The following GPR75 variants were observed in gnomAD, a reference collection of about 807,000 sequenced individuals.
GPR75 encodes G protein-coupled receptor 75.
Under a neutral mutation model 26.0 loss-of-function variants are expected in GPR75, and 27 were observed. The observed-to-expected ratio is 1.04, with a 90% confidence interval of 0.77 to 1.43. The LOEUF (loss-of-function observed/expected upper bound fraction) is 1.43. GPR75 is among the 40% of genes most tolerant of loss of function. The probability of loss-of-function intolerance (pLI) is 0.00; values close to 1 mark genes in which losing one functional copy is unlikely to be tolerated. For synonymous variants in GPR75, 285 were observed against 256.3 expected (o/e 1.11, Z -1.07); for missense variants, 699 against 662.3 (o/e 1.06, Z -0.61).
chr2:53,856,241 C>T (rs1378459072), intron 1 of GPR75, among the ~76,000 whole-genome samples: 2 of 152,112 alleles, frequency 1.3e-5, no homozygotes, highest in Admixed American at 6.6e-5. Context: ...TGCACTCACA[C>T]AAATCTACAT....
chr2:53,856,365 A>C (rs1444535439), intron 1 of GPR75, among the ~76,000 whole-genome samples: 2 of 152,204 alleles, frequency 1.3e-5, no homozygotes, highest in African/African-American at 4.8e-5. Flanking sequence ...CTTGACAACC[A>C]AAAAGGGTTT....
rs779300657 is a variant in GPR75, at chr2:53,853,365, A to T, written c.1392T>A (p.His464Gln). 1.5e-5 allele frequency: 25 copies of T among 1,613,970 alleles called. No homozygotes were observed. The Admixed American group carries it at 1.8e-4, about 12-fold the overall frequency. The change falls in exon 2 of 2, where the codon CAT becomes CAA. Residue 464 changes from histidine to glutamine, a missense_variant. Transcript: ENST00000394705. ...TCGAGCTGCTCTGACCACAGTGTTG[A>T]TGTCCAGCAGAGATCTTGGGACTCA... The part of the protein sequence containing the change: ...SMVSPKISAG[H>Q]QHCGQSSSTP...
Position 53,852,989 on chromosome 2 carries a change from C to A in GPR75, c.*145G>T, listed in dbSNP as rs1419489955. On this transcript the variant is annotated 3_prime_UTR_variant, in exon 2 of 2. Coordinates refer to ENST00000394705, the MANE Select transcript of GPR75 (RefSeq NM_006794.4). ...TACAAAGCAAATCAACAGATACTGA[C>A]ACATCAGATGAAAGAAAACCATAAC... 3 of 606,698 alleles carry A rather than the reference C, an allele frequency of 4.9e-6. No homozygotes were observed. The highest frequency in any genetic ancestry group is 1.8e-5 in the African/African-American group (1 of 54,128). 37.6% of individuals were successfully genotyped at this position (606,698 alleles called of 1,614,324 possible).
intron 1 of GPR75, 139 bp downstream of exon 1, chr2:53,859,689 T>G (rs1678326475): frequency 1.6e-6 from 1 of 626,518 alleles, no homozygotes; most frequent in African/African-American, 2.0e-5. Context: ...AAGGCTACCC[T>G]GCAGGCCGCA....
chr2:53,854,558 A>C lies in GPR75; in HGVS notation c.199T>G (p.Phe67Val). ...AATTTCCTGAAGGCTGGATCGAAGA[A>C]GGACAAGAAGACAATGAAGTTGCCA... ...SYGNFIVFLS[F>V]FDPAFRKFRT... The change falls in exon 2 of 2, where the codon TTC becomes GTC. Residue 67 changes from phenylalanine to valine, a missense_variant. By Grantham distance (50) the Phe-to-Val change is conservative (BLOSUM62 -1). Transcript: ENST00000394705. 1.2e-6 allele frequency: 2 copies of C among 1,614,116 alleles called. No homozygotes were observed. Among genetic ancestry groups the C allele is most frequent in the Non-Finnish European group, 1.7e-6 (2 of 1,179,982 alleles).
In GPR75 at chr2:53,853,741, A is replaced by T; in HGVS notation, c.1016T>A (p.Ile339Asn). 3.7e-6 allele frequency: 6 copies of T among 1,614,184 alleles called. No homozygotes were observed. The highest frequency in any genetic ancestry group is 5.1e-6 in the Non-Finnish European group (6 of 1,179,992). The change falls in exon 2 of 2, where the codon ATT becomes AAT. Residue 339 changes from isoleucine to asparagine, a missense_variant. Transcript: ENST00000394705. Reference sequence around the variant, plus strand: ...GGAGAGAACCACCTGTACCAAGGAAATCCCCAGTGGAAGACAGCACACCAG... The same window carrying T: ...GGAGAGAACCACCTGTACCAAGGAATTCCCCAGTGGAAGACAGCACACCAG... Reference protein sequence around the residue: ...SVLVCCLPLGISLVQVVLSSN... With the variant: ...SVLVCCLPLGNSLVQVVLSSN...
chr2:53,853,469 CAG>C lies in GPR75; in HGVS notation c.1286_1287del (p.Ser429CysfsTer51). The C allele has an allele frequency of 6.2e-7, 1 of 1,614,040 alleles. No homozygotes were observed. Among genetic ancestry groups the C allele is most frequent in the Admixed American group, 1.7e-5 (1 of 60,014 alleles). ...RNKSSHHETN[S>X]AYMLSPKPQK... The stretch of plus-strand genomic sequence containing the variant: ...TGTGGCTTTGGAGATAACATGTAGG[CAG>C]AGTTTGTTTCATGATGGGAGGATTT... On this transcript the variant is annotated frameshift_variant, in exon 2 of 2. Coordinates refer to ENST00000394705, the MANE Select transcript of GPR75 (RefSeq NM_006794.4). LOFTEE classifies it high-confidence loss of function.
rs961970843 is a variant in GPR75, at chr2:53,854,709, G to A, written c.48C>T (p.Leu16=). The A allele has an allele frequency of 6.2e-7, 1 of 1,614,064 alleles. No individual in the cohort carries two copies. The change falls in exon 2 of 2, where the codon CTC becomes CTT. Residue 16 remains leucine (L), a synonymous_variant. Transcript: ENST00000394705. ...HLQDAPNATS[L]HVPHSQEGNS... ...TTCCTTCCTGTGAGTGAGGCACATG[G>A]AGCGAGGTGGCATTGGGGGCATCCT...
chr2:53,859,769 C>T, intron 1 of GPR75, 59 bp downstream of exon 1: 3 of 1,361,276 alleles, frequency 2.2e-6, no homozygotes, highest in Non-Finnish European at 3.0e-6. Flanking sequence ...CCGCCAGCCT[C>T]CGGGAGCCGT....
chr2:53,854,316 C>A lies in GPR75; in HGVS notation c.441G>T (p.Val147=). ...CCGTGCGATTAGGCTGTTTCCCCAACACCATCCGGAGCCGGTGCAGGGCGA... is the reference window on the plus strand; with the variant it reads ...CCGTGCGATTAGGCTGTTTCCCCAAAACCATCCGGAGCCGGTGCAGGGCGA... The part of the protein sequence containing the change: ...AVIALHRLRM[V]LGKQPNRTAS... The change falls in exon 2 of 2, where the codon GTG becomes GTT. Residue 147 remains valine, a synonymous_variant. Coordinates refer to ENST00000394705, the MANE Select transcript of GPR75 (RefSeq NM_006794.4). 6.2e-7 allele frequency: 1 copy of A among 1,614,062 alleles called. No homozygotes were observed. The highest frequency in any genetic ancestry group is 1.3e-5 in the African/African-American group (1 of 74,986).
chr2:53,852,976 C>A lies in GPR75; in HGVS notation c.*158G>T. The A allele has an allele frequency of 1.7e-6, 1 of 580,962 alleles. No individual in the cohort carries two copies. The highest frequency in any genetic ancestry group is 3.0e-6 in the Non-Finnish European group (1 of 331,318). The allele number at this position is 580,962 out of a possible 1,614,324, so 36.0% of individuals were successfully genotyped here. ...GATGTCAACAAACTACAAAGCAAAT[C>A]AACAGATACTGACACATCAGATGAA... On this transcript the variant is annotated 3_prime_UTR_variant, in exon 2 of 2. Coordinates refer to ENST00000394705, the MANE Select transcript of GPR75 (RefSeq NM_006794.4).
Position 53,854,274 on chromosome 2 carries a change from G to T in GPR75, c.483C>A (p.Thr161=). Residue 161 remains threonine (T), a synonymous_variant, in exon 2 of 2, where the codon ACC becomes ACA. Coordinates refer to ENST00000394705, the MANE Select transcript of GPR75 (RefSeq NM_006794.4). The part of the protein sequence containing the change: ...QPNRTASFPC[T]VLLTLLLWAT... ...CCCAGAGAAGCAGGGTGAGGAGTAC[G>T]GTGCAGGGAAAGGAGGCCGTGCGAT... The T allele has an allele frequency of 6.2e-7, 1 of 1,614,098 alleles. No individual in the cohort carries two copies. The highest frequency in any genetic ancestry group is 1.1e-5 in the South Asian group (1 of 91,068).
chr2:53,853,686 A>T lies in GPR75; in HGVS notation c.1071T>A (p.Phe357Leu), dbSNP rs377737759. The T allele has an allele frequency of 6.2e-7, 1 of 1,613,918 alleles. No individual in the cohort carries two copies. Among genetic ancestry groups the T allele is most frequent in the Admixed American group, 1.7e-5 (1 of 60,028 alleles). ...SSNGSFILYQ[F>L]ELFGFTLIFF... Reference sequence around the variant, plus strand: ...ATATAAGAGTAAATCCAAACAATTCAAACTGGTAAAGAATGAAGCTCCCAT... The same window carrying T: ...ATATAAGAGTAAATCCAAACAATTCTAACTGGTAAAGAATGAAGCTCCCAT... The change falls in exon 2 of 2, where the codon TTT (phenylalanine) becomes TTA (leucine). Residue 357 changes from phenylalanine to leucine, a missense_variant. Phe to Leu is a conservative substitution (Grantham distance 22). Coordinates refer to ENST00000394705, the MANE Select transcript of GPR75 (RefSeq NM_006794.4).
chr2:53,856,236 TCA>T (rs1467332569), intron 1 of GPR75, among the ~76,000 whole-genome samples: 1 of 152,138 alleles, frequency 6.6e-6, no homozygotes, highest in Non-Finnish European at 1.5e-5. Flanking sequence ...TAATGTGCAC[TCA>T]CACAAATCTA....
intron 1 of GPR75, 67 bp downstream of exon 1, chr2:53,859,761 G>T: frequency 1.6e-6 from 2 of 1,279,100 alleles, no homozygotes; most frequent in Non-Finnish European, 1.1e-6. Flanking sequence ...TCGCTATCCC[G>T]CCAGCCTCCG....
chr2:53,859,362 G>C (rs1373750193), intron 1 of GPR75, among the ~76,000 whole-genome samples: 5 of 152,102 alleles, frequency 3.3e-5, no homozygotes, highest in Non-Finnish European at 7.4e-5. Flanking sequence ...ACCCGGAGCA[G>C]CTAATGGGAT....
chr2:53,858,254 G>C (rs1413677851), intron 1 of GPR75, among the ~76,000 whole-genome samples: 1 of 152,138 alleles, frequency 6.6e-6, no homozygotes, highest in African/African-American at 2.4e-5. Context: ...ACCTATTCTA[G>C]AGGCTTTACA....
rs372269832 is a variant in GPR75, at chr2:53,854,129, C to T, written c.628G>A (p.Asp210Asn). 4.3e-6 allele frequency: 7 copies of T among 1,613,970 alleles called. No homozygotes were observed. In the Admixed American group the frequency reaches 5.0e-5, roughly 12 times the overall value. ...ACCACAGCAACACAGAAGGTGAAGT[C>T]GACCACATAGAGAGACAAAATGGCT... is the stretch of plus-strand genomic sequence containing the variant. ...GKAILSLYVV[D>N]FTFCVAVVSV... The change falls in exon 2 of 2, where the codon GAC becomes AAC. Residue 210 changes from aspartate (D) to asparagine (N), a missense_variant. Transcript: ENST00000394705.
rs765998378 is a variant in GPR75, at chr2:53,854,747, T to C, written c.10A>G (p.Thr4Ala). 2 of 1,610,326 alleles carry C rather than the reference T, an allele frequency of 1.2e-6. No individual in the cohort carries two copies. The highest frequency in any genetic ancestry group is 1.3e-5 in the African/African-American group (1 of 74,738). MNS[T>A]GHLQDAPNAT... Reference sequence around the variant, plus strand: ...TTGGGGGCATCCTGAAGGTGGCCTGTTGAGTTCATTTTCGGAGAGAAATGT... The same window carrying C: ...TTGGGGGCATCCTGAAGGTGGCCTGCTGAGTTCATTTTCGGAGAGAAATGT... The change falls in exon 2 of 2, where the codon ACA becomes GCA. Residue 4 changes from threonine to alanine, a missense_variant. Physicochemically the swap from Thr to Ala is moderately conservative, Grantham distance 58 (BLOSUM62 0). Transcript: ENST00000394705.
Sources: gnomAD v4.1 joint callset for allele counts (sites outside exome capture counted in the v4.1 genomes callset) on GRCh38, gnomAD v4.1.1 for gene constraint, MANE v1.5 for transcripts, NCBI Gene and HGNC (gene_info 2026-07-23, HGNC 2026-07-21) for gene names.